The following TMPO variants were observed in gnomAD, a reference collection of about 807,000 sequenced individuals.
TMPO encodes the protein thymopoietin.
A neutral mutation model predicts 45.4 loss-of-function variants in TMPO; 22 were observed. The observed-to-expected ratio is 0.48, with a 90% CI of 0.35 to 0.69. TMPO has a LOEUF of 0.69. Among genes scored for constraint, TMPO ranks in the 30% least tolerant of loss-of-function variants. The probability of loss-of-function intolerance (pLI) is 0.01; values close to 1 mark genes in which losing one functional copy is unlikely to be tolerated. For synonymous variants in TMPO, 241 were observed against 204.1 expected (o/e 1.18, Z -1.54); for missense variants, 512 against 548.8 (o/e 0.93, Z 0.67).
At chr12:98,538,238 T>C (rs1877691674) in intron 4 of TMPO, among the ~76,000 whole-genome samples, 1 of 152,200 alleles carries the variant, frequency 6.6e-6, no homozygotes, top group South Asian at 2.1e-4. Flanking sequence ...TAATGCAGCA[T>C]TGATTTGGCT....
Position 98,547,772 on chromosome 12 carries a change from T to C in TMPO, c.1279T>C (p.Leu427=). The C allele has an allele frequency of 6.2e-7, 1 of 1,614,206 alleles. No individual in the cohort carries two copies. The highest frequency in any genetic ancestry group is 8.5e-7 in the Non-Finnish European group (1 of 1,180,042). Reference sequence around the variant, plus strand: ...GCTGTTTGTTGTTGTGGCAGTTTTTTTGTTTTTGGTCTATCAAGCTATGGA... The same window carrying C: ...GCTGTTTGTTGTTGTGGCAGTTTTTCTGTTTTTGGTCTATCAAGCTATGGA... ...ILLFVVVAVF[L]FLVYQAMETN... is the part of the protein sequence containing the mutation. The change falls in exon 9 of 9, where the codon TTG becomes CTG. Residue 427 remains leucine (L), a synonymous_variant. Transcript: ENST00000556029.
rs1159081068 is a variant in TMPO at position 98,515,652 on chromosome 12, T to C, written c.-216T>C. ...CTGGGGTTGGTGCGAGCTTCCAGCT[T>C]GGCCGCAGTTGGTTCGTAGTTCGGC... On this transcript the variant is annotated 5_prime_UTR_variant, in exon 1 of 9. Coordinates refer to ENST00000556029, the MANE Select transcript of TMPO (RefSeq NM_001032283.3). The C allele has an allele frequency of 1.1e-6, 1 of 929,788 alleles. No homozygotes were observed. Among genetic ancestry groups the C allele is most frequent in the African/African-American group, 1.7e-5 (1 of 60,108 alleles). The allele number at this position is 929,788 out of a possible 1,614,324, so 57.6% of individuals were successfully genotyped here.
chr12:98,536,172 A>G (rs1877553969), intron 3 of TMPO, among the ~76,000 whole-genome samples: 1 of 152,200 alleles, frequency 6.6e-6, no homozygotes, highest in African/African-American at 2.4e-5. Context: ...GAAAGTTAGC[A>G]AGACACATAT....
rs1878144407 is a variant in TMPO, at chr12:98,545,053, A to G, written c.982A>G (p.Arg328Gly). 2.5e-6 allele frequency: 4 copies of G among 1,605,718 alleles called. No homozygotes were observed. The highest frequency in any genetic ancestry group is 3.4e-6 in the Non-Finnish European group (4 of 1,172,710). Residue 328 changes from arginine (R) to glycine (G), a missense_variant, in exon 7 of 9, where the codon AGA becomes GGA. By Grantham distance (125) the Arg-to-Gly change is moderately radical. This residue lies in a region of TMPO where 209 missense variants were observed against 235.1 expected (regional missense o/e 0.89). Coordinates refer to ENST00000556029, the MANE Select transcript of TMPO (RefSeq NM_001032283.3). ...AAGAGCACCAAAGAAACCATTGACA[A>G]GAGCTGAAGTAAATGAATACAATTT... ...PRRAPKKPLT[R>G]AEVGEKTEER... is the part of the protein sequence containing the mutation.
At chr12:98,546,529 A>G (rs1471049128) in intron 8 of TMPO, 82 bp downstream of exon 8, 2 of 1,122,598 alleles carry the variant, frequency 1.8e-6, no homozygotes, top group African/African-American at 1.5e-5. Flanking sequence ...AAGTTACTGT[A>G]CTTCTGCTCA....
At chr12:98,544,389 G>A (rs201244858) in intron 5 of TMPO, 40 bp downstream of exon 5, 273 of 1,613,172 alleles carry the variant, frequency 1.7e-4, no homozygotes, top group Non-Finnish European at 2.0e-4. Flanking sequence ...AGATTTGTAG[G>A]GTTTTAGTAT....
rs12316677 is a variant in TMPO, at chr12:98,533,889, T to A, written c.565+2051T>A. 4,029 of 1,614,170 alleles carry A rather than the reference T, an allele frequency of 2.5e-3. 75 individuals are homozygous for A. The African/African-American group carries it at 0.048, about 19-fold the overall frequency. ...TAGATGATGAAATCCTAGGGTTTAT[T>A]TCTGAAGCCACTCCACTAGGAGGTA... is the stretch of plus-strand genomic sequence containing the variant. On this transcript the variant is annotated intron_variant, in intron 3 of 8. Transcript: ENST00000556029.
chr12:98,539,507 C>CTT (rs1877783397), intron 4 of TMPO, among the ~76,000 whole-genome samples: 1 of 142,274 alleles, frequency 7.0e-6, no homozygotes, highest in South Asian at 2.3e-4. Context: ...GAATCTCACT[C>CTT]TGTCGCCCAG....
At chr12:98,539,623 G>A (rs1402984536) in intron 4 of TMPO, among the ~76,000 whole-genome samples, 2 of 151,888 alleles carry the variant, frequency 1.3e-5, no homozygotes, top group African/African-American at 2.4e-5. Context: ...ACAGGTTCCC[G>A]CCACCATGCC....
intron 1 of TMPO, among the ~76,000 whole-genome samples, chr12:98,518,067 C>T (rs1325324870): frequency 6.6e-6 from 1 of 151,466 alleles, no homozygotes; most frequent in Non-Finnish European, 1.5e-5. Flanking sequence ...ATCGCTTGAA[C>T]CCGGGAGGCG....
At chr12:98,536,347 A>C (rs559759957) in intron 3 of TMPO, among the ~76,000 whole-genome samples, 2 of 152,216 alleles carry the variant, frequency 1.3e-5, no homozygotes, top group South Asian at 4.1e-4. Flanking sequence ...ATAAATGTCT[A>C]CAAAAAGGGA....
chr12:98,523,271 T>TG (rs1451853964), intron 1 of TMPO, among the ~76,000 whole-genome samples: 1 of 152,190 alleles, frequency 6.6e-6, no homozygotes, highest in Admixed American at 6.6e-5. Context: ...ACCACATGTT[T>TG]GACTGTGTGC....
At chr12:98,540,345 C>G (rs905104198) in intron 4 of TMPO, among the ~76,000 whole-genome samples, 5 of 152,150 alleles carry the variant, frequency 3.3e-5, no homozygotes, top group African/African-American at 1.2e-4. Context: ...ACTAGTGAGG[C>G]TGAGAAACTC....
chr12:98,528,582 T>C (rs561487864), intron 2 of TMPO, among the ~76,000 whole-genome samples: 12 of 151,908 alleles, frequency 7.9e-5, no homozygotes, highest in South Asian at 4.2e-4. Flanking sequence ...TGGCCACTTA[T>C]ATCGTACTTC....
intron 3 of TMPO, chr12:98,534,212 A>G (rs1166440277): frequency 1.2e-6 from 2 of 1,613,942 alleles, no homozygotes; most frequent in African/African-American, 2.7e-5. Flanking sequence ...GGTCGTCGAT[A>G]CCTCTGGCTG....
chr12:98,535,325 C>CTGTATAAAGCAG, intron 3 of TMPO: 1 of 983,074 alleles, frequency 1.0e-6, no homozygotes, highest in Non-Finnish European at 1.2e-6. Context: ...ATCTGTATGT[C>CTGTATAAAGCAG]TGTATAAAGC....
intron 1 of TMPO, among the ~76,000 whole-genome samples, chr12:98,526,541 C>T (rs2121163127): frequency 1.3e-5 from 2 of 151,600 alleles, no homozygotes; most frequent in Admixed American, 1.3e-4. Context: ...CTTTTTTTTC[C>T]CCAAGTATTT....
chr12:98,522,921 A>G (rs1876478331), intron 1 of TMPO, among the ~76,000 whole-genome samples: 1 of 152,210 alleles, frequency 6.6e-6, no homozygotes, highest in East Asian at 1.9e-4. Flanking sequence ...ACTAGAATAT[A>G]TTGTTATGGT....
At chr12:98,529,084 G>A (rs1449784923) in intron 2 of TMPO, among the ~76,000 whole-genome samples, 16 of 144,140 alleles carry the variant, frequency 1.1e-4, no homozygotes, top group Admixed American at 4.2e-4. Flanking sequence ...ACGGGGTTTC[G>A]CTCTTGTTGC....
Sources: allele counts gnomAD v4.1 joint callset (sites outside exome capture counted in the v4.1 genomes callset), GRCh38; gene constraint gnomAD v4.1.1; regional missense constraint gnomAD v4.1.1; transcripts MANE v1.5; gene names NCBI Gene and HGNC (gene_info 2026-07-23, HGNC 2026-07-21).